Variants in SLCO1B1 observed in about 807,000 individuals in gnomAD.
SLCO1B1 encodes the protein OATP-2.
In SLCO1B1, 81 loss-of-function variants were observed where a neutral mutation model predicts 70.1. The ratio of observed to expected loss-of-function variants is 1.16; its 90% CI spans 0.97 to 1.39. The LOEUF (loss-of-function observed/expected upper bound fraction) is 1.39, where lower values mean the gene tolerates loss of function less well. SLCO1B1 is among the 40% of genes most tolerant of loss of function. The probability of loss-of-function intolerance (pLI) is 0.00; values close to 1 mark genes in which losing one functional copy is unlikely to be tolerated. For missense variants in SLCO1B1, 895 were observed against 799.6 expected (o/e 1.12, Z -1.44); for synonymous variants, 283 against 271.5 (o/e 1.04, Z -0.42).
chr12:21,210,919 A>G (rs1941275841), intron 11 of SLCO1B1, among the ~76,000 whole-genome samples: 1 of 152,036 alleles, frequency 6.6e-6, no homozygotes, highest in Admixed American at 6.6e-5. Context: ...TTGTATCCTG[A>G]GACTTTGCTG....
Position 21,224,776 on chromosome 12 carries a change from A to G in SLCO1B1, c.1802A>G (p.Lys601Arg). ...GCTCTGATTGATACAACGTGTATAA[A>G]GTGGTCCACCAACAACTGTGGCACA... ...FGALIDTTCI[K>R]WSTNNCGTRG... The change falls in exon 14 of 15, where the codon AAG (lysine) becomes AGG (arginine). Residue 601 changes from lysine (K) to arginine (R), a missense_variant. By Grantham distance (26) the Lys-to-Arg change is conservative. Coordinates refer to ENST00000256958, the MANE Select transcript of SLCO1B1 (RefSeq NM_006446.5). 6.2e-7 allele frequency: 1 copy of G among 1,612,570 alleles called. No individual in the cohort carries two copies. Among genetic ancestry groups the G allele is most frequent in the Non-Finnish European group, 8.5e-7 (1 of 1,179,144 alleles).
rs141334466 is a variant in SLCO1B1 at position 21,228,036 on chromosome 12, C to T, written c.1865+3197C>T. ...TATGCATATATATGCATATATAAGA[C>T]AGACATATTATATATATGTTATTCT... On this transcript the variant is annotated intron_variant, in intron 14 of 14. Transcript: ENST00000256958. 3.9e-3 allele frequency among the ~76,000 whole-genome samples: 587 copies of T among 151,968 alleles called. 4 individuals carry two copies. The highest frequency in any genetic ancestry group is 0.013 in the African/African-American group (554 of 41,458).
intron 13 of SLCO1B1, among the ~76,000 whole-genome samples, chr12:21,223,312 C>T (rs1486410231): frequency 4.6e-5 from 7 of 152,082 alleles, no homozygotes; most frequent in African/African-American, 1.2e-4. Flanking sequence ...ACTTTCAATT[C>T]ATAAACAATT....
chr12:21,236,225 A>T (rs1941594612), intron 14 of SLCO1B1, among the ~76,000 whole-genome samples: 1 of 152,096 alleles, frequency 6.6e-6, no homozygotes, highest in African/African-American at 2.4e-5. Flanking sequence ...AGGGGAAGCT[A>T]TAGTGGGCTA....
At chr12:21,237,200 C>T (rs1941604778) in intron 14 of SLCO1B1, among the ~76,000 whole-genome samples, 1 of 151,878 alleles carries the variant, frequency 6.6e-6, no homozygotes, top group East Asian at 1.9e-4. Context: ...TTTTATGTTA[C>T]CTTTCTTTAT....
chr12:21,225,973 A>T, intron 14 of SLCO1B1, among the ~76,000 whole-genome samples: 1 of 152,234 alleles, frequency 6.6e-6, no homozygotes, highest in East Asian at 1.9e-4. Context: ...AGCAAACAAG[A>T]TGTCTTTCAA....
chr12:21,222,499 TTTAA>T (rs1941440960), intron 13 of SLCO1B1, 135 bp downstream of exon 13: 2 of 228,014 alleles, frequency 8.8e-6, no homozygotes, highest in African/African-American at 2.4e-5. Flanking sequence ...GTAATGAATC[TTTAA>T]TTATGATAGT....
intron 12 of SLCO1B1, among the ~76,000 whole-genome samples, chr12:21,219,369 G>A (rs1018616822): frequency 1.3e-5 from 2 of 152,160 alleles, no homozygotes; most frequent in African/African-American, 2.4e-5. Flanking sequence ...AAAGGTCAGC[G>A]TCCTGGTGTG....
intron 13 of SLCO1B1, among the ~76,000 whole-genome samples, chr12:21,223,276 T>C (rs1353340329): frequency 6.6e-6 from 1 of 152,126 alleles, no homozygotes; most frequent in East Asian, 1.9e-4. Context: ...AATGCACCTA[T>C]GGAAAAAATA....
chr12:21,132,948 G>A (rs1394767218), intron 1 of SLCO1B1, among the ~76,000 whole-genome samples: 1 of 151,916 alleles, frequency 6.6e-6, no homozygotes, highest in Admixed American at 6.6e-5. Context: ...TTTTCTTCTA[G>A]GGTTTTTATG....
intron 14 of SLCO1B1, among the ~76,000 whole-genome samples, chr12:21,228,920 C>A (rs551457446): frequency 2.0e-5 from 3 of 151,902 alleles, no homozygotes; most frequent in Non-Finnish European, 4.4e-5. Context: ...TTGGGACTTA[C>A]CACATTGTAG....
Position 21,222,346 on chromosome 12 carries a change from A to T in SLCO1B1, c.1729A>T (p.Met577Leu). The T allele has an allele frequency of 1.2e-6, 1 of 814,838 alleles. No individual in the cohort carries two copies. The allele number at this position is 814,838 out of a possible 1,614,324, so 50.5% of individuals were successfully genotyped here. A position where few individuals can be genotyped will look rare whatever the true frequency, so the allele number is the denominator to read the frequency against. Residue 577 changes from methionine to leucine, a missense_variant, in exon 13 of 15, where the codon ATG (methionine) becomes TTG (leucine). By Grantham distance (15) the Met-to-Leu change is conservative. Coordinates refer to ENST00000256958, the MANE Select transcript of SLCO1B1 (RefSeq NM_006446.5). Reference sequence around the variant, plus strand: ...ATCACTTGCACTGGGTTTCCACTCAATGGTTATACGAGCACTAGGTATGAT... The same window carrying T: ...ATCACTTGCACTGGGTTTCCACTCATTGGTTATACGAGCACTAGGTATGAT... ...LKSLALGFHS[M>L]VIRALGGILA...
Position 21,191,056 on chromosome 12 carries a change from A to G in SLCO1B1, c.728-5890A>G, listed in dbSNP as rs139675430. Among the ~76,000 whole-genome samples the G allele has an allele frequency of 1.0e-2, 1,517 of 152,150 alleles. 21 individuals carry two copies. Among genetic ancestry groups the G allele is most frequent in the African/African-American group, 0.033 (1,377 of 41,528 alleles). On this transcript the variant is annotated intron_variant, in intron 7 of 14. Transcript: ENST00000256958. ...ATATTAATTACTATAGCTTTAAAAT[A>G]CATTTTGTAATTAGGAAATATGAGG...
intron 7 of SLCO1B1, among the ~76,000 whole-genome samples, chr12:21,186,190 A>G (rs1180989396): frequency 6.6e-6 from 1 of 152,128 alleles, no homozygotes; most frequent in Non-Finnish European, 1.5e-5. Context: ...ACACATATGT[A>G]CCTCATATTA....
At chr12:21,180,398 A>G (rs1203458232) in intron 7 of SLCO1B1, among the ~76,000 whole-genome samples, 8 of 152,170 alleles carry the variant, frequency 5.3e-5, no homozygotes, top group Non-Finnish European at 1.2e-4. Context: ...TCTCAAATTA[A>G]TAGCCAAGAG....
intron 1 of SLCO1B1, among the ~76,000 whole-genome samples, chr12:21,133,986 T>C (rs1410725600): frequency 6.6e-6 from 1 of 152,190 alleles, no homozygotes; most frequent in Non-Finnish European, 1.5e-5. Context: ...AGATAGCTCT[T>C]ATTATTTTGA....
intron 7 of SLCO1B1, among the ~76,000 whole-genome samples, chr12:21,193,644 T>A (rs1191811115): frequency 2.0e-5 from 3 of 152,232 alleles, no homozygotes; most frequent in Non-Finnish European, 4.4e-5. Context: ...CAAACTTGTA[T>A]GCTCTGCTTC....
At chr12:21,214,338 G>A (rs964205688) in intron 11 of SLCO1B1, among the ~76,000 whole-genome samples, 1 of 151,036 alleles carries the variant, frequency 6.6e-6, no homozygotes, top group South Asian at 2.1e-4. Context: ...GTGTCAGTGT[G>A]CCCCTGCTGG....
At chr12:21,171,105 A>AG (rs1181056619) in intron 2 of SLCO1B1, among the ~76,000 whole-genome samples, 1 of 152,214 alleles carries the variant, frequency 6.6e-6, no homozygotes, top group African/African-American at 2.4e-5. Context: ...GTGAGCAGAA[A>AG]GGGGTGCAAT....
Sources: allele counts gnomAD v4.1 joint callset (sites outside exome capture counted in the v4.1 genomes callset), GRCh38; gene constraint gnomAD v4.1.1; transcripts MANE v1.5; gene names NCBI Gene and HGNC (gene_info 2026-07-23, HGNC 2026-07-21).